Variants in ATAD5 observed in about 807,000 individuals in gnomAD.
ATAD5 encodes ATPase family AAA domain-containing protein 5.
Under a neutral mutation model 176.9 loss-of-function variants are expected in ATAD5, and 58 were observed. The ratio of observed to expected loss-of-function variants is 0.33; its 90% CI spans 0.27 to 0.41. The LOEUF (loss-of-function observed/expected upper bound fraction) is 0.41, where lower values mean the gene tolerates loss of function less well. Ranked by LOEUF, ATAD5 falls within the 10% of genes least tolerant of loss-of-function variation. The pLI is 1.00. For synonymous variants in ATAD5, 640 were observed against 712.6 expected (o/e 0.90, Z 1.62); for missense variants, 1,789 against 2,094.1 (o/e 0.85, Z 2.84).
At chr17:30,878,471 G>A (rs1261371539) in intron 17 of ATAD5, among the ~76,000 whole-genome samples, 1 of 151,800 alleles carries the variant, frequency 6.6e-6, no homozygotes, top group Non-Finnish European at 1.5e-5. Context: ...ATGAATTATT[G>A]TATATTTAGC....
chr17:30,833,273 TG>T (rs1905491648), intron 1 of ATAD5, among the ~76,000 whole-genome samples: 1 of 152,210 alleles, frequency 6.6e-6, no homozygotes, highest in Admixed American at 6.5e-5. Flanking sequence ...TGGTACTTGA[TG>T]TACACAGTTC....
chr17:30,887,600 G>C (rs1909389598), intron 19 of ATAD5, among the ~76,000 whole-genome samples: 1 of 152,020 alleles, frequency 6.6e-6, no homozygotes, highest in Non-Finnish European at 1.5e-5. Flanking sequence ...CTTGAAGCCA[G>C]GAGTTCAAAA....
chr17:30,872,761 T>C (rs181754733), intron 14 of ATAD5, among the ~76,000 whole-genome samples: 98 of 152,184 alleles, frequency 6.4e-4, no homozygotes, highest in African/African-American at 2.3e-3. Context: ...TTTCACTATG[T>C]TGGCCAGGCT....
At chr17:30,894,518 T>G (rs767008571) in intron 21 of ATAD5, 46 bp from the exon 22 acceptor site, 1 of 1,565,664 alleles carries the variant, frequency 6.4e-7, no homozygotes, top group African/African-American at 1.4e-5. Flanking sequence ...GATTACTGCA[T>G]TTTTCTTGGG....
intron 19 of ATAD5, among the ~76,000 whole-genome samples, chr17:30,888,734 T>C (rs1909458039): frequency 6.6e-6 from 1 of 152,102 alleles, no homozygotes; most frequent in South Asian, 2.1e-4. Context: ...TATTCTTTTG[T>C]AGTTGAGCTT....
At chr17:30,851,668 C>T (rs571657856) in intron 6 of ATAD5, among the ~76,000 whole-genome samples, 247 of 152,076 alleles carry the variant, frequency 1.6e-3, no homozygotes, top group Non-Finnish European at 2.9e-3. Context: ...CTGCATCCTC[C>T]GCCTCCCGGG....
At chr17:30,889,477 G>GTATA (rs200413318) in intron 19 of ATAD5, among the ~76,000 whole-genome samples, 1 of 150,112 alleles carries the variant, frequency 6.7e-6, no homozygotes, top group East Asian at 1.9e-4. Context: ...TTCTATATGA[G>GTATA]TATATATATA....
chr17:30,878,731 T>TTG (rs1555559818), intron 17 of ATAD5, among the ~76,000 whole-genome samples: 4 of 124,138 alleles, frequency 3.2e-5, no homozygotes, highest in Non-Finnish European at 6.7e-5. Flanking sequence ...TTTTTTTTTT[T>TTG]TTTTTTTTTT....
intron 18 of ATAD5, among the ~76,000 whole-genome samples, chr17:30,884,588 C>A (rs899474001): frequency 1.3e-5 from 2 of 150,686 alleles, no homozygotes; most frequent in African/African-American, 4.9e-5. Flanking sequence ...GCCACCATGC[C>A]CTGCTAATTT....
At position 30,844,043 on chromosome 17, in the gene ATAD5, A is replaced by C; in HGVS notation, c.2368+4A>C. 1 of 1,530,472 alleles carries C rather than the reference A, an allele frequency of 6.5e-7. No homozygotes were observed. 94.8% of individuals were successfully genotyped at this position (1,530,472 alleles called of 1,614,324 possible). A position where few individuals can be genotyped will look rare whatever the true frequency, so the allele number is the denominator to read the frequency against. ...ACATCCACTAAAAATGTACCTGGTA[A>C]TCAGAGTTAATAATATTTATGATGT... On this transcript the variant is annotated splice_donor_region_variant and intron_variant, in intron 5 of 22. Transcript: ENST00000321990.
intron 6 of ATAD5, among the ~76,000 whole-genome samples, chr17:30,852,913 G>T (rs1907058140): frequency 6.8e-6 from 1 of 147,720 alleles, no homozygotes; most frequent in Non-Finnish European, 1.5e-5. Context: ...TTTTGAGACA[G>T]AATCTCCCTC....
At chr17:30,885,209 GTC>G (rs1909247101) in intron 18 of ATAD5, among the ~76,000 whole-genome samples, 1 of 151,924 alleles carries the variant, frequency 6.6e-6, no homozygotes, top group Non-Finnish European at 1.5e-5. Flanking sequence ...TAGAAACAGG[GTC>G]TCTCTGTCAC....
intron 18 of ATAD5, among the ~76,000 whole-genome samples, chr17:30,879,978 T>A (rs1250973426): frequency 6.6e-6 from 1 of 151,512 alleles, no homozygotes; most frequent in African/African-American, 2.4e-5. Flanking sequence ...GAGCTGAAAT[T>A]GTGCCACTGT....
chr17:30,839,796 G>A (rs1027589425), intron 3 of ATAD5, among the ~76,000 whole-genome samples: 5 of 146,700 alleles, frequency 3.4e-5, no homozygotes, highest in Non-Finnish European at 7.5e-5. Flanking sequence ...GTTGACCCAG[G>A]GATGTCTGGA....
chr17:30,860,155 CTGGGACTACAGGTGCA>C lies in ATAD5; in HGVS notation c.2957-275_2957-260del, dbSNP rs1471518972. On this transcript the variant is annotated intron_variant, in intron 9 of 22. Coordinates refer to ENST00000321990, the MANE Select transcript of ATAD5 (RefSeq NM_024857.5). ...CCTCCCACCTCAGCCTCCCAAGTAGCTGGGACTACAGGTGCATGCCACCACCCCTGGCTGATTTTTG... is the reference window on the plus strand; with the variant it reads ...CCTCCCACCTCAGCCTCCCAAGTAGCTGCCACCACCCCTGGCTGATTTTTG... 2.0e-5 allele frequency among the ~76,000 whole-genome samples: 3 copies of C among 152,280 alleles called. No individual in the cohort carries two copies. In the East Asian group the frequency reaches 5.8e-4, roughly 29 times the overall value.
At chr17:30,842,052 C>G (rs552031269) in intron 4 of ATAD5, among the ~76,000 whole-genome samples, 1 of 152,062 alleles carries the variant, frequency 6.6e-6, no homozygotes, top group African/African-American at 2.4e-5. Flanking sequence ...GGGAGGATCA[C>G]GAGGTCAGGA....
chr17:30,859,472 GTC>G, intron 9 of ATAD5, among the ~76,000 whole-genome samples: 1 of 152,220 alleles, frequency 6.6e-6, no homozygotes, highest in East Asian at 1.9e-4. Flanking sequence ...TGATTCTGGT[GTC>G]TCAGCCTGCC....
At chr17:30,877,323 TA>T in intron 15 of ATAD5, 92 bp from the exon 16 acceptor site, 1 of 914,194 alleles carries the variant, frequency 1.1e-6, no homozygotes, top group Non-Finnish European at 1.6e-6. Context: ...TCAGTTTTGA[TA>T]ATGGATTTCA....
At chr17:30,848,140 G>A (rs1173178483) in intron 6 of ATAD5, among the ~76,000 whole-genome samples, 1 of 152,156 alleles carries the variant, frequency 6.6e-6, no homozygotes, top group East Asian at 1.9e-4. Context: ...AACATTATAA[G>A]AACCTGGCAA....
Sources: allele counts gnomAD v4.1 joint callset (sites outside exome capture counted in the v4.1 genomes callset), GRCh38; gene constraint gnomAD v4.1.1; transcripts MANE v1.5; gene names NCBI Gene and HGNC (gene_info 2026-07-23, HGNC 2026-07-21).